MAD2L2: variants seen among roughly 807,000 people sequenced by gnomAD.
MAD2L2 encodes mitotic arrest deficient 2 like 2.
In MAD2L2, 17 loss-of-function variants were observed where a neutral mutation model predicts 30.5. The observed-to-expected ratio is 0.56, with a 90% CI of 0.38 to 0.84. MAD2L2 has a LOEUF of 0.84. Ranked by LOEUF, MAD2L2 falls within the 40% of genes least tolerant of loss-of-function variation. The probability of loss-of-function intolerance (pLI) is 0.00; values close to 1 mark genes in which losing one functional copy is unlikely to be tolerated. For synonymous variants in MAD2L2, 101 were observed against 113.9 expected, an observed-to-expected ratio of 0.89 and a Z score of 0.72; for missense variants, 213 against 277.4, an observed-to-expected ratio of 0.77 and a Z score of 1.65.
At chr1:11,684,855 G>A (rs779468190), upstream of MAD2L2, among the ~76,000 whole-genome samples, 17 of 151,952 alleles carry the variant, frequency 1.1e-4, no homozygotes, top group East Asian at 1.9e-4. Flanking sequence ...GCAATGCTCC[G>A]GGGCAGGGAC....
chr1:11,691,763 G>C (rs893804553), upstream of MAD2L2: 1 of 145,412 alleles, frequency 6.9e-6, no homozygotes, highest in African/African-American at 2.5e-5. Context: ...TCTCCACGCC[G>C]GCCCCGTTCC....
rs1236720101 is a variant in MAD2L2 at position 11,676,667 on chromosome 1, A to G, written c.332+181T>C. 6.6e-5 allele frequency: 41 copies of G among 618,812 alleles called. 1 individual carries two copies. The South Asian group carries it at 7.8e-4, about 12-fold the overall frequency. 38.3% of individuals were successfully genotyped at this position (618,812 alleles called of 1,614,324 possible). On this transcript the variant is annotated intron_variant, in intron 5 of 8. Coordinates refer to ENST00000376692, the MANE Select transcript of MAD2L2 (RefSeq NM_006341.4). ...CCACCCAGGTGACCCTGGGTAGCTC[A>G]TGTCATCTCTCTGGACCCATCTCAG...
chr1:11,682,885 G>T (rs1192629729), upstream of MAD2L2, among the ~76,000 whole-genome samples: 1 of 152,186 alleles, frequency 6.6e-6, no homozygotes, highest in Non-Finnish European at 1.5e-5. Flanking sequence ...CCATTCTCAA[G>T]ATATGGGGAT....
At chr1:11,686,296 A>C (rs1021826701) in intron 1 of MAD2L2, among the ~76,000 whole-genome samples, 2 of 152,254 alleles carry the variant, frequency 1.3e-5, no homozygotes, top group African/African-American at 4.8e-5. Flanking sequence ...GCTGTCCCAG[A>C]TCCCAGGGTT....
upstream of MAD2L2, among the ~76,000 whole-genome samples, chr1:11,685,608 A>G (rs1557682013): frequency 6.6e-6 from 1 of 152,100 alleles, no homozygotes. Context: ...TTCTAATTTC[A>G]TAGGATTGAG....
At chr1:11,675,795 C>T in intron 6 of MAD2L2, 64 bp from the exon 7 acceptor site, 1 of 1,334,208 alleles carries the variant, frequency 7.5e-7, no homozygotes, top group Non-Finnish European at 1.1e-6. Context: ...TGGGCCCAGC[C>T]TCTTCCCACT....
chr1:11,675,325 C>A (rs984209719), intron 7 of MAD2L2, 151 bp from the exon 8 acceptor site: 3 of 608,460 alleles, frequency 4.9e-6, no homozygotes, highest in Admixed American at 3.1e-5. Flanking sequence ...GGACCGCCCC[C>A]ATCCCCCACA....
upstream of MAD2L2, among the ~76,000 whole-genome samples, chr1:11,684,380 G>A (rs977473885): frequency 6.6e-6 from 1 of 152,136 alleles, no homozygotes; most frequent in African/African-American, 2.4e-5. Context: ...AAAGTTATTT[G>A]CATATTTTTC....
At chr1:11,686,383 A>G (rs1640955545) in intron 1 of MAD2L2, among the ~76,000 whole-genome samples, 3 of 152,102 alleles carry the variant, frequency 2.0e-5, no homozygotes, top group African/African-American at 7.2e-5. Context: ...GTGGGGTTCT[A>G]CTGATTCCCA....
At chr1:11,684,413 G>A (rs1179121247), upstream of MAD2L2, among the ~76,000 whole-genome samples, 1 of 152,126 alleles carries the variant, frequency 6.6e-6, no homozygotes, top group African/African-American at 2.4e-5. Flanking sequence ...ATATGTAGGA[G>A]GGCGGCTGGG....
chr1:11,674,751 A>G lies in MAD2L2; in HGVS notation c.*24T>C. 2 of 1,613,046 alleles carry G rather than the reference A, an allele frequency of 1.2e-6. No individual in the cohort carries two copies. The highest frequency in any genetic ancestry group is 1.7e-6 in the Non-Finnish European group (2 of 1,179,496). On this transcript the variant is annotated 3_prime_UTR_variant, in exon 9 of 9. Transcript: ENST00000376692. This position sits in a 1 kb window ranked among gnomAD's most constrained non-coding sequence, Gnocchi z 6.1. ...TCCCCCAAAGTCTGACAGTTTGGGCATCAGTGGGGTGGCAGGTGCCCCCTC... is the reference window on the plus strand; with the variant it reads ...TCCCCCAAAGTCTGACAGTTTGGGCGTCAGTGGGGTGGCAGGTGCCCCCTC...
At chr1:11,680,706 TG>T (rs1219268611) in intron 1 of MAD2L2, 93 bp from the exon 2 acceptor site, 114 of 1,476,972 alleles carry the variant, frequency 7.7e-5, no homozygotes, top group Non-Finnish European at 9.8e-5. Context: ...CCACAGTCTG[TG>T]GGAACTGGGG....
At chr1:11,683,631 C>T (rs1640910943), upstream of MAD2L2, among the ~76,000 whole-genome samples, 2 of 151,982 alleles carry the variant, frequency 1.3e-5, no homozygotes, top group Non-Finnish European at 2.9e-5. Context: ...TCAGCAGTCA[C>T]CACTAAATAA....
upstream of MAD2L2, among the ~76,000 whole-genome samples, chr1:11,682,352 G>T (rs992140270): frequency 6.6e-6 from 1 of 152,164 alleles, no homozygotes; most frequent in Admixed American, 6.5e-5. Context: ...TGACCTCCAG[G>T]GACGTAAGAG....
At position 11,690,108 on chromosome 1, in the gene MAD2L2, T is replaced by C. The variant is rs776227916; in HGVS notation, c.-692+1305A>G. 6.6e-6 allele frequency among the ~76,000 whole-genome samples: 1 copy of C among 152,142 alleles called. No homozygotes were observed. The highest frequency in any genetic ancestry group is 1.5e-5 in the Non-Finnish European group (1 of 68,010). ...TTCATGCTTTGTCTGTAATGTGCTTTACTTTTCTTCATAGCACTAATCACC... is the reference window on the plus strand; with the variant it reads ...TTCATGCTTTGTCTGTAATGTGCTTCACTTTTCTTCATAGCACTAATCACC... On this transcript the variant is annotated intron_variant, in intron 1 of 10. Transcript: ENST00000235310. The surrounding 1 kb of genome is among the most constrained non-coding windows in gnomAD (Gnocchi z 4.2).
In MAD2L2 at chr1:11,677,576, G is replaced by T; in HGVS notation, c.198C>A (p.Asp66Glu). The change falls in exon 4 of 9, where the codon GAC (aspartate) becomes GAA (glutamate). Residue 66 changes from aspartate (D) to glutamate (E), a missense_variant. By Grantham distance (45) the Asp-to-Glu change is conservative (BLOSUM62 2). Coordinates refer to ENST00000376692, the MANE Select transcript of MAD2L2 (RefSeq NM_006341.4). ...CHPELNQYIQ[D>E]TLHCVKPLLE... is the part of the protein sequence containing the mutation. ...GGAGTGGCTTGACGCAGTGCAGCGT[G>T]TCCTGGATATACTGATTCAGCTCCG... 1 of 1,613,806 alleles carries T rather than the reference G, an allele frequency of 6.2e-7. No individual in the cohort carries two copies. The highest frequency in any genetic ancestry group is 8.5e-7 in the Non-Finnish European group (1 of 1,180,004).
chr1:11,679,986 T>A (rs1203269482), intron 3 of MAD2L2, among the ~76,000 whole-genome samples: 3 of 9,240 alleles, frequency 3.2e-4, no homozygotes, highest in Non-Finnish European at 6.4e-4. Context: ...GTGGAAGAGG[T>A]TTTTTTTTTT....
upstream of MAD2L2, among the ~76,000 whole-genome samples, chr1:11,683,488 A>G (rs1047314375): frequency 6.6e-6 from 1 of 151,904 alleles, no homozygotes; most frequent in African/African-American, 2.4e-5. Flanking sequence ...AAGGCATAGG[A>G]ATGATATATT....
chr1:11,689,210 G>A (rs759873068), intron 1 of MAD2L2, among the ~76,000 whole-genome samples: 1 of 147,052 alleles, frequency 6.8e-6, no homozygotes, highest in African/African-American at 2.5e-5. Flanking sequence ...GGCATGAATC[G>A]CTTGAACCTG....
Sources: allele counts gnomAD v4.1 joint callset (sites outside exome capture counted in the v4.1 genomes callset), GRCh38; gene constraint gnomAD v4.1.1; non-coding constraint Gnocchi (gnomAD v3.1); transcripts MANE v1.5; gene names NCBI Gene and HGNC (gene_info 2026-07-23, HGNC 2026-07-21).